Variants in PRKG1 observed in about 807,000 individuals in gnomAD.
PRKG1 encodes the protein protein kinase cGMP-dependent 1.
Under a neutral mutation model 88.1 loss-of-function variants are expected in PRKG1, and 35 were observed. The observed-to-expected ratio is 0.40, with a 90% CI of 0.30 to 0.53. The LOEUF is 0.53. PRKG1 is among the 20% of genes least tolerant of loss of function. The pLI, the probability that PRKG1 is intolerant of heterozygous loss-of-function variation, is 0.59. For missense variants in PRKG1, 540 were observed against 839.8 expected (o/e 0.64, Z 4.41); for synonymous variants, 303 against 292.5 (o/e 1.04, Z -0.37).
intron 2 of PRKG1, among the ~76,000 whole-genome samples, chr10:51,165,066 C>T (rs558142596): frequency 6.6e-5 from 10 of 152,158 alleles, no homozygotes; most frequent in East Asian, 1.9e-4. Context: ...AGATACTCCT[C>T]GAGAAGAGCA....
intron 2 of PRKG1, among the ~76,000 whole-genome samples, chr10:51,396,207 G>A (rs139454339): frequency 0.027 from 4,039 of 152,166 alleles, 75 homozygotes; most frequent in Non-Finnish European, 0.04. Flanking sequence ...GTTTCATAGT[G>A]AGACCGTATC....
intron 3 of PRKG1, among the ~76,000 whole-genome samples, chr10:51,478,220 C>G (rs1472151125): frequency 6.6e-6 from 1 of 151,948 alleles, no homozygotes; most frequent in African/African-American, 2.4e-5. Flanking sequence ...ATTGAGCATG[C>G]CTTTAAAACA....
intron 3 of PRKG1, among the ~76,000 whole-genome samples, chr10:51,470,247 A>G (rs1564512078): frequency 6.6e-6 from 1 of 151,874 alleles, no homozygotes; most frequent in Non-Finnish European, 1.5e-5. Context: ...TCAAGATTAT[A>G]TCAACTTGTC....
chr10:51,771,416 ATACATGTCAGTGAAAG>A (rs1468711277), intron 3 of PRKG1, among the ~76,000 whole-genome samples: 1 of 152,126 alleles, frequency 6.6e-6, no homozygotes, highest in Non-Finnish European at 1.5e-5. Context: ...GTCTTGGGAG[ATACATGTCAGTGAAAG>A]TACTGGGATG....
At chr10:52,118,427 G>A (rs191563515) in intron 7 of PRKG1, among the ~76,000 whole-genome samples, 2 of 151,790 alleles carry the variant, frequency 1.3e-5, no homozygotes, top group Admixed American at 1.3e-4. Context: ...AAATATTTAG[G>A]ACAATTTCAA....
At chr10:51,248,535 G>C (rs1839350531) in intron 2 of PRKG1, among the ~76,000 whole-genome samples, 1 of 151,670 alleles carries the variant, frequency 6.6e-6, no homozygotes, top group East Asian at 1.9e-4. Context: ...ATTAAATCAG[G>C]TTTGTACAAT....
At chr10:51,008,147 A>C (rs1483912978) in intron 1 of PRKG1, among the ~76,000 whole-genome samples, 3 of 152,172 alleles carry the variant, frequency 2.0e-5, no homozygotes, top group African/African-American at 7.2e-5. Context: ...TTCTTCTCAA[A>C]CTGTAGTACG....
intron 2 of PRKG1, among the ~76,000 whole-genome samples, chr10:51,229,133 T>C (rs1482098087): frequency 1.3e-5 from 2 of 152,214 alleles, no homozygotes; most frequent in African/African-American, 4.8e-5. Context: ...TGGTTGGCTA[T>C]AATTTTACAT....
intron 1 of PRKG1, among the ~76,000 whole-genome samples, chr10:51,082,579 A>G (rs1844140711): frequency 6.6e-6 from 1 of 152,152 alleles, no homozygotes; most frequent in Admixed American, 6.5e-5. Flanking sequence ...GAAGATGACA[A>G]GAGGAGTGTG....
At chr10:51,364,799 G>A (rs147875133) in intron 2 of PRKG1, among the ~76,000 whole-genome samples, 4 of 151,844 alleles carry the variant, frequency 2.6e-5, no homozygotes, top group Admixed American at 6.6e-5. Flanking sequence ...GCTTTATCAC[G>A]ATTAGGAGTT....
chr10:51,570,049 G>GTATATATATATATATATATATA (rs10617123), intron 3 of PRKG1, among the ~76,000 whole-genome samples: 13 of 128,828 alleles, frequency 1.0e-4, no homozygotes, highest in African/African-American at 1.7e-4. Context: ...ACCCAAACTA[G>GTATATATATATATATATATATA]TATATATATA....
intron 9 of PRKG1, among the ~76,000 whole-genome samples, chr10:52,202,379 A>T (rs1839700061): frequency 6.6e-6 from 1 of 152,134 alleles, no homozygotes; most frequent in African/African-American, 2.4e-5. Flanking sequence ...CTATCCTTGC[A>T]TCCCCGTGAT....
At chr10:51,924,964 T>C (rs1369965796) in intron 5 of PRKG1, among the ~76,000 whole-genome samples, 2 of 149,228 alleles carry the variant, frequency 1.3e-5, no homozygotes, top group African/African-American at 5.0e-5. Flanking sequence ...TTTTTTTTTT[T>C]CATTAGAACT....
chr10:51,398,408 ACCT>A (rs1336251170), intron 2 of PRKG1, among the ~76,000 whole-genome samples: 2 of 152,060 alleles, frequency 1.3e-5, no homozygotes, highest in Non-Finnish European at 2.9e-5. Context: ...CCTGCTGCTC[ACCT>A]CCTGCTGTGT....
Position 51,631,631 on chromosome 10 carries a change from T to C in PRKG1, c.592+163795T>C, listed in dbSNP as rs1839528755. 1.3e-5 allele frequency among the ~76,000 whole-genome samples: 2 copies of C among 152,228 alleles called. 1 individual carries two copies. The highest frequency in any genetic ancestry group is 2.9e-5 in the Non-Finnish European group (2 of 68,026). On this transcript the variant is annotated intron_variant, in intron 3 of 17. Transcript: ENST00000373980. ...GAAGCCACTCCCCTCAGTGTTGGCATCACTGCTGCAGTTCCACCTCTGATC... is the reference window on the plus strand; with the variant it reads ...GAAGCCACTCCCCTCAGTGTTGGCACCACTGCTGCAGTTCCACCTCTGATC...
chr10:51,339,715 C>T (rs527881334), intron 2 of PRKG1, among the ~76,000 whole-genome samples: 1 of 151,958 alleles, frequency 6.6e-6, no homozygotes, highest in East Asian at 1.9e-4. Context: ...AACATCTTTG[C>T]ATGTAATTAA....
intron 5 of PRKG1, among the ~76,000 whole-genome samples, chr10:51,979,423 T>TTTG (rs1554863434): frequency 1.4e-5 from 2 of 138,086 alleles, no homozygotes; most frequent in South Asian, 2.5e-4. Context: ...TTTTTTTTTT[T>TTTG]TTTTTTTTTT....
At chr10:52,188,301 TGTATATATATAC>T (rs1839269970) in intron 9 of PRKG1, among the ~76,000 whole-genome samples, 3 of 119,338 alleles carry the variant, frequency 2.5e-5, no homozygotes, top group Admixed American at 8.8e-5. Flanking sequence ...TATATATATA[TGTATATATATAC>T]ATATGTATAT....
intron 1 of PRKG1, among the ~76,000 whole-genome samples, chr10:51,122,956 A>G (rs140904875): frequency 4.3e-4 from 66 of 152,166 alleles, no homozygotes; most frequent in African/African-American, 1.6e-3. Flanking sequence ...TAATCATAAC[A>G]TTTCCCCTGC....
Sources: gnomAD v4.1 joint callset for allele counts (sites outside exome capture counted in the v4.1 genomes callset) on GRCh38, gnomAD v4.1.1 for gene constraint, MANE v1.5 for transcripts, NCBI Gene and HGNC (gene_info 2026-07-23, HGNC 2026-07-21) for gene names.